Variants in AGAP1 observed in about 807,000 individuals in gnomAD.
AGAP1 encodes the protein arf-GAP with GTPase, ANK repeat and PH domain-containing protein 1.
In AGAP1, 29 loss-of-function variants were observed where a neutral mutation model predicts 105.3. The ratio of observed to expected loss-of-function variants is 0.28; its 90% confidence interval spans 0.21 to 0.38. AGAP1 has a LOEUF of 0.38. AGAP1 is among the 10% of genes least tolerant of loss of function. AGAP1 has a pLI of 1.00. For synonymous variants in AGAP1, 509 were observed against 485.9 expected (o/e 1.05, Z -0.63); for missense variants, 998 against 1,165.1 (o/e 0.86, Z 2.09).
rs565355377 is a variant in AGAP1, at chr2:235,724,622, A to G, written c.310+6978A>G. Among the ~76,000 whole-genome samples the G allele has an allele frequency of 3.3e-5, 5 of 152,234 alleles. No homozygotes were observed. In the South Asian group the frequency reaches 1.0e-3, roughly 32 times the overall value. On this transcript the variant is annotated intron_variant, in intron 3 of 17. Transcript: ENST00000304032. This position sits in a 1 kb window ranked among gnomAD's most constrained non-coding sequence, Gnocchi z 4.9. ...AGTTCCCTATGTAAAGAAGAGTCCA[A>G]AACAGATAAGGGAGACTGAAGAAAC...
chr2:235,500,602 C>T (rs1295394704), intron 1 of AGAP1, among the ~76,000 whole-genome samples: 1 of 152,226 alleles, frequency 6.6e-6, no homozygotes, highest in Non-Finnish European at 1.5e-5. Context: ...ACACCTAAGG[C>T]CAGCTGCTCA....
In AGAP1 at chr2:235,823,631, C is replaced by T. The variant is rs115806195; in HGVS notation, c.1050+16300C>T. 6.2e-3 allele frequency among the ~76,000 whole-genome samples: 943 copies of T among 152,296 alleles called. 6 individuals are homozygous for T. Among genetic ancestry groups the T allele is most frequent in the African/African-American group, 0.021 (874 of 41,562 alleles). Reference sequence around the variant, plus strand: ...CCACTGACACCAGCATTTTCTTATTCCTTGTGCACTTCTCAAAAAAATAGA... The same window carrying T: ...CCACTGACACCAGCATTTTCTTATTTCTTGTGCACTTCTCAAAAAAATAGA... On this transcript the variant is annotated intron_variant, in intron 9 of 17. Coordinates refer to ENST00000304032, the MANE Select transcript of AGAP1 (RefSeq NM_001037131.3).
chr2:235,569,408 G>A lies in AGAP1; in HGVS notation c.163+74559G>A, dbSNP rs539260175. Among the ~76,000 whole-genome samples, 3 of 152,294 alleles carry A rather than the reference G, an allele frequency of 2.0e-5. No homozygotes were observed. The East Asian group carries it at 5.8e-4, about 29-fold the overall frequency. On this transcript the variant is annotated intron_variant, in intron 1 of 17. Coordinates refer to ENST00000304032, the MANE Select transcript of AGAP1 (RefSeq NM_001037131.3). This position sits in a 1 kb window ranked among gnomAD's most constrained non-coding sequence, Gnocchi z 5.9. ...TGTATGTTATCCTTGAATCTTCCTA[G>A]CAGCCTTCCAAAGTAGGCTTCGGGA...
At chr2:235,595,843 C>T (rs113982268) in intron 1 of AGAP1, among the ~76,000 whole-genome samples, 2,631 of 152,288 alleles carry the variant, frequency 0.017, 30 homozygotes, top group South Asian at 0.039. Flanking sequence ...AAAAATTATA[C>T]GTTTACTTGC....
At position 235,964,039 on chromosome 2, in the gene AGAP1, G is replaced by A. The variant is rs146613075; in HGVS notation, c.1484-4423G>A. ...TTGCACAAGTCACCACAGGGGAGGC[G>A]AGCACTGGTGGTTGCCCTGGGCACA... On this transcript the variant is annotated intron_variant, in intron 12 of 17. Transcript: ENST00000304032. The surrounding 1 kb of genome is among the most constrained non-coding windows in gnomAD (Gnocchi z 4.6). 4.4e-3 allele frequency among the ~76,000 whole-genome samples: 671 copies of A among 152,312 alleles called. 5 individuals are homozygous for A. The highest frequency in any genetic ancestry group is 5.7e-3 in the Non-Finnish European group (387 of 68,030).
In AGAP1 at chr2:235,865,411, C is replaced by T. The variant is rs2049116049; in HGVS notation, c.1051-17934C>T. On this transcript the variant is annotated intron_variant, in intron 9 of 17. Coordinates refer to ENST00000304032, the MANE Select transcript of AGAP1 (RefSeq NM_001037131.3). The surrounding 1 kb of genome is among the most constrained non-coding windows in gnomAD (Gnocchi z 6.2). ...CCCACAGTAACACGTGTGGCGCCGACCCCGCCGTGCGCAATCGGGGCTTTA... is the reference window on the plus strand; with the variant it reads ...CCCACAGTAACACGTGTGGCGCCGATCCCGCCGTGCGCAATCGGGGCTTTA... Among the ~76,000 whole-genome samples the T allele has an allele frequency of 6.6e-6, 1 of 152,202 alleles. No individual in the cohort carries two copies. The highest frequency in any genetic ancestry group is 1.5e-5 in the Non-Finnish European group (1 of 68,040).
At position 235,651,184 on chromosome 2, in the gene AGAP1, C is replaced by CAAAAAAAAAAAAA; in HGVS notation, c.164-57974_164-57962dup. 9.2e-4 allele frequency among the ~76,000 whole-genome samples: 50 copies of CAAAAAAAAAAAAA among 54,150 alleles called. 3 individuals carry two copies. Among genetic ancestry groups the CAAAAAAAAAAAAA allele is most frequent in the East Asian group, 3.4e-3 (2 of 594 alleles). 35.5% of individuals were successfully genotyped at this position (54,150 alleles called of 152,430 possible). The stretch of plus-strand genomic sequence containing the variant: ...AGAGTGACAGAGTGAAACTCCATCT[C>CAAAAAAAAAAAAA]AAAAAAAAAAAAAAAAAAAAAAAAA... On this transcript the variant is annotated intron_variant, in intron 1 of 17. Coordinates refer to ENST00000304032, the MANE Select transcript of AGAP1 (RefSeq NM_001037131.3).
chr2:236,016,187 T>C (rs577511789), intron 13 of AGAP1, among the ~76,000 whole-genome samples: 1 of 152,306 alleles, frequency 6.6e-6, no homozygotes, highest in South Asian at 2.1e-4. Context: ...CATTGGTATC[T>C]TCTTTCAAAG....
At chr2:235,495,839 C>T (rs983877898) in intron 1 of AGAP1, among the ~76,000 whole-genome samples, 1 of 152,240 alleles carries the variant, frequency 6.6e-6, no homozygotes, top group Non-Finnish European at 1.5e-5. Flanking sequence ...TTGATCAGCA[C>T]TTTCTCCCTT....
In AGAP1 at chr2:235,660,246, T is replaced by C. The variant is rs1947904525; in HGVS notation, c.164-48933T>C. ...CTTCTCTGTGTCTTTCCCTAACCAC[T>C]GGAGACTTCATAGATAAACTTGCGG... On this transcript the variant is annotated intron_variant, in intron 1 of 17. Coordinates refer to ENST00000304032, the MANE Select transcript of AGAP1 (RefSeq NM_001037131.3). This position sits in a 1 kb window ranked among gnomAD's most constrained non-coding sequence, Gnocchi z 5.3. 6.6e-6 allele frequency among the ~76,000 whole-genome samples: 1 copy of C among 152,136 alleles called. No homozygotes were observed. The highest frequency in any genetic ancestry group is 6.5e-5 in the Admixed American group (1 of 15,274).
At chr2:235,922,982 G>A (rs1049430145) in intron 11 of AGAP1, among the ~76,000 whole-genome samples, 7 of 152,176 alleles carry the variant, frequency 4.6e-5, no homozygotes, top group African/African-American at 1.7e-4. Flanking sequence ...AGGCAGCTCA[G>A]TAAGCACACA....
intron 1 of AGAP1, among the ~76,000 whole-genome samples, chr2:235,656,690 C>T (rs1487549503): frequency 6.6e-6 from 1 of 152,194 alleles, no homozygotes; most frequent in African/African-American, 2.4e-5. Flanking sequence ...GATAAGAACC[C>T]CTTCCCTCCC....
rs1956773641 is a variant in AGAP1, at chr2:235,788,345, TCCACCAAAAGGATAAACAGC to T, written c.674-9413_674-9394del. 6.6e-6 allele frequency among the ~76,000 whole-genome samples: 1 copy of T among 152,052 alleles called. No individual in the cohort carries two copies. The highest frequency in any genetic ancestry group is 2.4e-5 in the African/African-American group (1 of 41,384). On this transcript the variant is annotated intron_variant, in intron 6 of 17. Transcript: ENST00000304032. This position sits in a 1 kb window ranked among gnomAD's most constrained non-coding sequence, Gnocchi z 6.0. ...ATTTGAGGATTTTAATTCAGGAAAG[TCCACCAAAAGGATAAACAGC>T]TAGGAGCCCACTAGTAAGCCAGGAT...
chr2:236,020,580 CCT>C lies in AGAP1; in HGVS notation c.1646-15976_1646-15975del, dbSNP rs1287051742. Reference sequence around the variant, plus strand: ...GGGATGCTTTCCTGGGTCTGTCCTTCCTCTCTGTTCTTTTCTTCCTCGCATGC... The same window carrying C: ...GGGATGCTTTCCTGGGTCTGTCCTTCCTCTGTTCTTTTCTTCCTCGCATGC... On this transcript the variant is annotated intron_variant, in intron 13 of 17. Transcript: ENST00000304032. This position sits in a 1 kb window ranked among gnomAD's most constrained non-coding sequence, Gnocchi z 5.0. Among the ~76,000 whole-genome samples the C allele has an allele frequency of 6.6e-6, 1 of 152,182 alleles. No individual in the cohort carries two copies.
intron 9 of AGAP1, among the ~76,000 whole-genome samples, chr2:235,873,018 G>A (rs2049522217): frequency 6.6e-6 from 1 of 152,202 alleles, no homozygotes; most frequent in Non-Finnish European, 1.5e-5. Flanking sequence ...GAGGGCAGAG[G>A]ACCCTGGCTC....
rs923520994 is a variant in AGAP1, at chr2:235,635,399, T to C, written c.164-73780T>C. 1.2e-4 allele frequency among the ~76,000 whole-genome samples: 19 copies of C among 152,174 alleles called. No individual in the cohort carries two copies. The highest frequency in any genetic ancestry group is 2.6e-4 in the Non-Finnish European group (18 of 68,036). On this transcript the variant is annotated intron_variant, in intron 1 of 17. Transcript: ENST00000304032. This position sits in a 1 kb window ranked among gnomAD's most constrained non-coding sequence, Gnocchi z 5.3. ...TCTGCCCGTAGGATTGACTTTCATC[T>C]TGCCTGGTAATAAGCCCTCCTAGGA...
rs1006249975 is a variant in AGAP1, at chr2:236,027,642, T to C, written c.1646-8919T>C. 3.9e-5 allele frequency among the ~76,000 whole-genome samples: 6 copies of C among 152,022 alleles called. No homozygotes were observed. The highest frequency in any genetic ancestry group is 1.4e-4 in the African/African-American group (6 of 41,382). ...GGCCAGCCCAGGGTCAGCAGCGCCA[T>C]TGCCTCTTGATTTGGGAGCTGATGC... On this transcript the variant is annotated intron_variant, in intron 13 of 17. Coordinates refer to ENST00000304032, the MANE Select transcript of AGAP1 (RefSeq NM_001037131.3). The surrounding 1 kb of genome is among the most constrained non-coding windows in gnomAD (Gnocchi z 4.4).
rs371150142 is a variant in AGAP1, at chr2:235,790,963, T to G, written c.674-6796T>G. ...GCCATGGGTCCCATGGTTCACTGAT[T>G]GTCATTAAGGAACATACTGTAGCCA... On this transcript the variant is annotated intron_variant, in intron 6 of 17. Transcript: ENST00000304032. 6.9e-4 allele frequency among the ~76,000 whole-genome samples: 105 copies of G among 152,344 alleles called. 1 individual carries two copies. The highest frequency in any genetic ancestry group is 2.5e-3 in the African/African-American group (102 of 41,592).
In AGAP1 at chr2:235,545,148, T is replaced by C. The variant is rs574818058; in HGVS notation, c.163+50299T>C. ...CCATGTGGTCCATGATATGGGCACCTTACAAGTTATTCTAAATAATGGCAC... is the reference window on the plus strand; with the variant it reads ...CCATGTGGTCCATGATATGGGCACCCTACAAGTTATTCTAAATAATGGCAC... On this transcript the variant is annotated intron_variant, in intron 1 of 17. Coordinates refer to ENST00000304032, the MANE Select transcript of AGAP1 (RefSeq NM_001037131.3). Among the ~76,000 whole-genome samples the C allele has an allele frequency of 2.4e-3, 362 of 152,330 alleles. 1 individual carries two copies. The highest frequency in any genetic ancestry group is 8.2e-3 in the African/African-American group (343 of 41,576).
Sources: allele counts gnomAD v4.1 joint callset (sites outside exome capture counted in the v4.1 genomes callset), GRCh38; gene constraint gnomAD v4.1.1; non-coding constraint Gnocchi (gnomAD v3.1); transcripts MANE v1.5; gene names NCBI Gene and HGNC (gene_info 2026-07-23, HGNC 2026-07-21).